Variants in RALYL observed in about 807,000 individuals in gnomAD.
RALYL encodes RALY RNA binding protein like, also known as RNA-binding Raly-like protein.
In RALYL, 29 loss-of-function variants were observed where a neutral mutation model predicts 35.1. The observed-to-expected ratio is 0.83, with a 90% CI of 0.61 to 1.13. RALYL has a LOEUF of 1.13. Among genes scored for constraint, RALYL ranks in the 50% most tolerant of loss-of-function variants. The probability of loss-of-function intolerance (pLI) is 0.00; values close to 1 mark genes in which losing one functional copy is unlikely to be tolerated. For synonymous variants in RALYL, 120 were observed against 127.6 expected, an observed-to-expected ratio of 0.94 and a Z score of 0.40; for missense variants, 359 against 360.4, an observed-to-expected ratio of 1.00 and a Z score of 0.03.
In RALYL at chr8:84,672,748, A is replaced by G. The variant is rs373635386; in HGVS notation, c.257-101831A>G. Among the ~76,000 whole-genome samples the G allele has an allele frequency of 5.9e-5, 9 of 152,286 alleles. No homozygotes were observed. In the South Asian group the frequency reaches 1.5e-3, roughly 25 times the overall value. On this transcript the variant is annotated intron_variant, in intron 2 of 8. Transcript: ENST00000521268. The stretch of plus-strand genomic sequence containing the variant: ...TCAGATCTCATGAGACTTATTCACT[A>G]TCATGAGAACAGCACAGGAAAACCT...
chr8:84,872,542 A>G (rs1024164780), intron 6 of RALYL: 1 of 152,202 alleles, frequency 6.6e-6, no homozygotes, highest in African/African-American at 2.4e-5. Context: ...TGTTTTTAAC[A>G]TCCATACTTG....
intron 6 of RALYL, among the ~76,000 whole-genome samples, chr8:84,865,396 T>C (rs1339276955): frequency 1.3e-5 from 2 of 152,184 alleles, no homozygotes; most frequent in East Asian, 3.8e-4. Context: ...ATTTGTCATT[T>C]CTTATTTCAG....
intron 4 of RALYL, chr8:84,829,491 G>C (rs1376729014): frequency 6.5e-6 from 1 of 153,864 alleles, no homozygotes; most frequent in Non-Finnish European, 1.5e-5. Context: ...TTTCCAGTAA[G>C]TCTGTTTGAT....
At chr8:84,460,948 G>A (rs911701892) in intron 1 of RALYL, among the ~76,000 whole-genome samples, 1 of 151,446 alleles carries the variant, frequency 6.6e-6, no homozygotes, top group Non-Finnish European at 1.5e-5. Flanking sequence ...ACATAATGCA[G>A]GCATAGTAAA....
intron 1 of RALYL, among the ~76,000 whole-genome samples, chr8:84,229,415 G>A (rs1302814129): frequency 1.3e-5 from 2 of 152,186 alleles, no homozygotes; most frequent in African/African-American, 2.4e-5. Flanking sequence ...AAGTGCTAAT[G>A]CCCAGAGGGT....
intron 1 of RALYL, among the ~76,000 whole-genome samples, chr8:84,195,648 T>G (rs972325792): frequency 3.9e-5 from 6 of 152,210 alleles, no homozygotes; most frequent in Non-Finnish European, 7.4e-5. Context: ...CTCCCCTTTC[T>G]AGTGACTTGG....
intron 1 of RALYL, among the ~76,000 whole-genome samples, chr8:84,465,254 C>T (rs1252479524): frequency 8.1e-6 from 1 of 123,652 alleles, no homozygotes; most frequent in African/African-American, 3.1e-5. Flanking sequence ...AGGTTTTCTT[C>T]TAGGGTTTTT....
At position 84,275,629 on chromosome 8, in the gene RALYL, T is replaced by A. The variant is rs534185928; in HGVS notation, c.-24+91205T>A. ...AATTTTCTGCAATAGATCCATTGAA[T>A]TTATTCTTTCTATCAAATCGAAATT... is the stretch of plus-strand genomic sequence containing the variant. On this transcript the variant is annotated intron_variant, in intron 1 of 8. Transcript: ENST00000521268. Among the ~76,000 whole-genome samples the A allele has an allele frequency of 1.4e-4, 22 of 152,236 alleles. No homozygotes were observed. The East Asian group carries it at 4.2e-3, about 29-fold the overall frequency.
At chr8:84,415,527 C>T (rs1272256937) in intron 1 of RALYL, among the ~76,000 whole-genome samples, 2 of 128,782 alleles carry the variant, frequency 1.6e-5, no homozygotes, top group South Asian at 2.9e-4. Flanking sequence ...CGTGAGCCAC[C>T]GCGCCCGGCC....
At position 84,615,339 on chromosome 8, in the gene RALYL, GAA is replaced by G. The variant is rs35836998; in HGVS notation, c.256+85774_256+85775del. On this transcript the variant is annotated intron_variant, in intron 2 of 8. Transcript: ENST00000521268. ...TTCCTGCTATCATGTTAAATACATT[GAA>G]AAAAAAAAAAACAGAACGTCCTTAT... Among the ~76,000 whole-genome samples, 13 of 140,192 alleles carry G rather than the reference GAA, an allele frequency of 9.3e-5. 1 individual carries two copies. Among genetic ancestry groups the G allele is most frequent in the African/African-American group, 3.1e-4 (12 of 38,642 alleles). The allele number at this position is 140,192 out of a possible 152,430, so 92.0% of individuals were successfully genotyped here. A position where few individuals can be genotyped will look rare whatever the true frequency, so the allele number is the denominator to read the frequency against.
At chr8:84,259,846 A>G (rs955437417) in intron 1 of RALYL, among the ~76,000 whole-genome samples, 4 of 152,274 alleles carry the variant, frequency 2.6e-5, no homozygotes, top group Middle Eastern at 3.4e-3. Context: ...TGGTTGTGTG[A>G]TGGAAGCTCA....
At chr8:84,635,559 G>A (rs889927134) in intron 2 of RALYL, among the ~76,000 whole-genome samples, 2 of 151,454 alleles carry the variant, frequency 1.3e-5, no homozygotes, top group African/African-American at 4.8e-5. Context: ...TCAGCTTTTT[G>A]ATAGGTACAG....
chr8:84,714,967 CA>C (rs778054785), intron 2 of RALYL, among the ~76,000 whole-genome samples: 1 of 146,266 alleles, frequency 6.8e-6, no homozygotes, highest in Non-Finnish European at 1.5e-5. Context: ...AAACTTCCTA[CA>C]AAAAAAATGA....
intron 1 of RALYL, among the ~76,000 whole-genome samples, chr8:84,516,307 A>G (rs1370917674): frequency 6.6e-6 from 1 of 151,898 alleles, no homozygotes; most frequent in African/African-American, 2.4e-5. Context: ...TAATATACCT[A>G]ATATGCATAA....
chr8:84,664,579 T>A (rs1327375788), intron 2 of RALYL, among the ~76,000 whole-genome samples: 1 of 151,944 alleles, frequency 6.6e-6, no homozygotes, highest in East Asian at 1.9e-4. Flanking sequence ...ATTTTATTAT[T>A]TTTGTGGCAA....
At position 84,360,517 on chromosome 8, in the gene RALYL, G is replaced by A. The variant is rs377044227; in HGVS notation, c.-23-168782G>A. Among the ~76,000 whole-genome samples, 165 of 152,296 alleles carry A rather than the reference G, an allele frequency of 1.1e-3. 5 individuals carry two copies. The South Asian group carries it at 0.033, about 30-fold the overall frequency. On this transcript the variant is annotated intron_variant, in intron 1 of 8. Coordinates refer to ENST00000521268, the MANE Select transcript of RALYL (RefSeq NM_173848.7). ...GTTATTCATTCCAATGAATATCGAA[G>A]ATTAATGAATAAGGCAATTAAGTAA...
Position 84,436,039 on chromosome 8 carries a change from T to A in RALYL, c.-23-93260T>A, listed in dbSNP as rs115747869. 4.4e-3 allele frequency among the ~76,000 whole-genome samples: 675 copies of A among 152,278 alleles called. 5 individuals are homozygous for A. The highest frequency in any genetic ancestry group is 6.5e-3 in the Non-Finnish European group (441 of 68,010). ...GTGCACCAAAATCTCAGAAGTCACC[T>A]CTAAAGAACATATTCATGTAACCAA... On this transcript the variant is annotated intron_variant, in intron 1 of 8. Coordinates refer to ENST00000521268, the MANE Select transcript of RALYL (RefSeq NM_173848.7).
chr8:84,287,794 T>A (rs1418859945), intron 1 of RALYL, among the ~76,000 whole-genome samples: 1 of 152,144 alleles, frequency 6.6e-6, no homozygotes, highest in East Asian at 1.9e-4. Flanking sequence ...AATTGGAGAA[T>A]GGTTAGAAAT....
chr8:84,660,027 C>T (rs1485986739), intron 2 of RALYL, among the ~76,000 whole-genome samples: 1 of 152,056 alleles, frequency 6.6e-6, no homozygotes, highest in Non-Finnish European at 1.5e-5. Flanking sequence ...AATAGAATAA[C>T]ACTTTGAAGA....
Sources: allele counts gnomAD v4.1 joint callset (sites outside exome capture counted in the v4.1 genomes callset), GRCh38; gene constraint gnomAD v4.1.1; transcripts MANE v1.5; gene names NCBI Gene and HGNC (gene_info 2026-07-23, HGNC 2026-07-21).